Variants in FBXL7 observed in about 807,000 individuals in gnomAD.
FBXL7 encodes the protein F-box and leucine rich repeat protein 7.
In FBXL7, 12 loss-of-function variants were observed where a neutral mutation model predicts 38.3. That is an observed-to-expected ratio of 0.31 (90% CI 0.20 to 0.51). FBXL7 has a LOEUF of 0.51. Among genes scored for constraint, FBXL7 ranks in the 20% least tolerant of loss-of-function variants. FBXL7 has a pLI of 0.98. For synonymous variants in FBXL7, 297 were observed against 300.9 expected, an observed-to-expected ratio of 0.99 and a Z score of 0.13; for missense variants, 567 against 676.4, an observed-to-expected ratio of 0.84 and a Z score of 1.79.
intron 2 of FBXL7, among the ~76,000 whole-genome samples, chr5:15,841,455 T>G (rs1234608221): frequency 2.0e-5 from 3 of 152,166 alleles, no homozygotes; most frequent in Non-Finnish European, 4.4e-5. Context: ...GTTGAATCTT[T>G]CAGCAGAATC....
rs557623540 is a variant in FBXL7, at chr5:15,500,800, C to T, written c.37+87C>T. On this transcript the variant is annotated intron_variant, in intron 1 of 3. Coordinates refer to ENST00000504595, the MANE Select transcript of FBXL7 (RefSeq NM_012304.5). ...TCCCGACTGGGAAGGGAGGTTCTCG[C>T]CCGCGGCCGTGACGCACCCCATTTG... is the stretch of plus-strand genomic sequence containing the variant. 4 of 1,522,002 alleles carry T rather than the reference C, an allele frequency of 2.6e-6. No homozygotes were observed. In the African/African-American group the frequency reaches 4.2e-5, roughly 16 times the overall value. The allele number at this position is 1,522,002 out of a possible 1,614,324, so 94.3% of individuals were successfully genotyped here.
At chr5:15,751,598 T>C (rs192131542) in intron 2 of FBXL7, among the ~76,000 whole-genome samples, 23 of 152,278 alleles carry the variant, frequency 1.5e-4, no homozygotes, top group African/African-American at 5.5e-4. Context: ...TACACACAAA[T>C]AGAAGGGAAT....
intron 2 of FBXL7, among the ~76,000 whole-genome samples, chr5:15,890,031 T>C (rs1478052381): frequency 1.3e-5 from 2 of 152,120 alleles, no homozygotes; most frequent in African/African-American, 4.8e-5. Context: ...CTTGGGCCTA[T>C]CAGACTTCAT....
intron 2 of FBXL7, among the ~76,000 whole-genome samples, chr5:15,655,194 G>T (rs559156247): frequency 1.9e-4 from 29 of 152,288 alleles, no homozygotes; most frequent in African/African-American, 6.7e-4. Context: ...TATCAGAAAT[G>T]ATGTAGAAAT....
chr5:15,889,846 G>A (rs139733974), intron 2 of FBXL7, among the ~76,000 whole-genome samples: 2 of 152,104 alleles, frequency 1.3e-5, no homozygotes, highest in African/African-American at 4.8e-5. Flanking sequence ...TCATTCAACA[G>A]CTATTCCCAA....
intron 2 of FBXL7, among the ~76,000 whole-genome samples, chr5:15,861,474 C>A (rs868618466): frequency 6.6e-6 from 1 of 152,298 alleles, no homozygotes; most frequent in South Asian, 2.1e-4. Context: ...GACAGTTGCA[C>A]GGACACCCAA....
intron 1 of FBXL7, among the ~76,000 whole-genome samples, chr5:15,569,523 A>T (rs1413134789): frequency 4.6e-5 from 7 of 151,430 alleles, no homozygotes; most frequent in South Asian, 2.1e-4. Context: ...ATATACAATC[A>T]TGTCATCTGC....
intron 2 of FBXL7, among the ~76,000 whole-genome samples, chr5:15,651,849 G>A (rs1314669730): frequency 2.6e-5 from 4 of 152,128 alleles, no homozygotes; most frequent in African/African-American, 9.7e-5. Flanking sequence ...GTTCTGGATG[G>A]CACCTTCTTG....
At chr5:15,734,200 A>C (rs1274458932) in intron 2 of FBXL7, among the ~76,000 whole-genome samples, 1 of 151,438 alleles carries the variant, frequency 6.6e-6, no homozygotes, top group Non-Finnish European at 1.5e-5. Context: ...CTGAGCACAC[A>C]GCTTTCCACA....
At chr5:15,847,627 A>G (rs1738950443) in intron 2 of FBXL7, among the ~76,000 whole-genome samples, 1 of 152,146 alleles carries the variant, frequency 6.6e-6, no homozygotes, top group Non-Finnish European at 1.5e-5. Context: ...AGGTTTCATT[A>G]TATGGAAAAG....
chr5:15,556,798 A>T (rs903818082), intron 1 of FBXL7, among the ~76,000 whole-genome samples: 1 of 152,164 alleles, frequency 6.6e-6, no homozygotes, highest in South Asian at 2.1e-4. Context: ...GAAGTAAGGT[A>T]TATTTATTAA....
intron 1 of FBXL7, among the ~76,000 whole-genome samples, chr5:15,581,572 G>A (rs181209169): frequency 6.6e-5 from 10 of 152,292 alleles, no homozygotes; most frequent in Middle Eastern, 6.8e-3. Flanking sequence ...GATTTTGCTC[G>A]TTTTATGGAA....
chr5:15,615,656 G>C (rs1740421335), intron 1 of FBXL7, among the ~76,000 whole-genome samples: 1 of 152,142 alleles, frequency 6.6e-6, no homozygotes, highest in Non-Finnish European at 1.5e-5. Context: ...ATTAATGCAG[G>C]AGATGTGTTC....
rs780242293 is a variant in FBXL7 at position 15,616,012 on chromosome 5, G to C, written c.67G>C (p.Val23Leu). The change falls in exon 2 of 4, where the codon GTG (valine) becomes CTG (leucine). Residue 23 changes from valine (V) to leucine (L), a missense_variant. Physicochemically the swap from Val to Leu is conservative, Grantham distance 32. Coordinates refer to ENST00000504595, the MANE Select transcript of FBXL7 (RefSeq NM_012304.5). ...AGGCAGCTCGAGCATCTCATCTGAC[G>C]TGAGTTCAAGTACAGATCACACGCC... ...GKGSSSISSD[V>L]SSSTDHTPTK... 6 of 1,613,096 alleles carry C rather than the reference G, an allele frequency of 3.7e-6. No individual in the cohort carries two copies. The highest frequency in any genetic ancestry group is 5.1e-6 in the Non-Finnish European group (6 of 1,179,370).
chr5:15,553,053 GC>G (rs2126424844), intron 1 of FBXL7, among the ~76,000 whole-genome samples: 2 of 150,500 alleles, frequency 1.3e-5, no homozygotes, highest in South Asian at 4.2e-4. Flanking sequence ...CTGCACTCCA[GC>G]CTGGCGACAG....
intron 2 of FBXL7, among the ~76,000 whole-genome samples, chr5:15,924,482 C>T (rs1741827069): frequency 6.6e-6 from 1 of 152,086 alleles, no homozygotes; most frequent in Admixed American, 6.6e-5. Flanking sequence ...AAAATCACCC[C>T]CAAACTCAGT....
chr5:15,696,525 G>T (rs1743344014), intron 2 of FBXL7, among the ~76,000 whole-genome samples: 1 of 152,104 alleles, frequency 6.6e-6, no homozygotes, highest in South Asian at 2.1e-4. Flanking sequence ...TCCTATGTGT[G>T]CCTTTGTGTA....
chr5:15,867,914 G>A (rs1276512764), intron 2 of FBXL7, among the ~76,000 whole-genome samples: 2 of 152,172 alleles, frequency 1.3e-5, no homozygotes, highest in East Asian at 1.9e-4. Flanking sequence ...GACCATCCTG[G>A]CCAACATGGT....
chr5:15,823,111 G>A (rs1437604786), intron 2 of FBXL7, among the ~76,000 whole-genome samples: 4 of 152,160 alleles, frequency 2.6e-5, no homozygotes, highest in African/African-American at 4.8e-5. Flanking sequence ...CGGGTCTGAT[G>A]TACCTCACAA....
Sources: allele counts gnomAD v4.1 joint callset (sites outside exome capture counted in the v4.1 genomes callset), GRCh38; gene constraint gnomAD v4.1.1; transcripts MANE v1.5; gene names NCBI Gene and HGNC (gene_info 2026-07-23, HGNC 2026-07-21).